NBEA: variants seen among roughly 807,000 people sequenced by gnomAD.
NBEA encodes the protein neurobeachin.
In NBEA, 44 loss-of-function variants were observed where a neutral mutation model predicts 343.4. The ratio of observed to expected loss-of-function variants is 0.13; its 90% CI spans 0.10 to 0.16. NBEA has a LOEUF of 0.16. Among genes scored for constraint, NBEA ranks in the 10% least tolerant of loss-of-function variants. The pLI is 1.00. For missense variants in NBEA, 2,555 were observed against 3,631.3 expected (o/e 0.70, Z 7.62); for synonymous variants, 1,175 against 1,238.7 (o/e 0.95, Z 1.08).
chr13:35,044,815 CATATAT>C (rs71196573), intron 2 of NBEA, 126 bp from the exon 3 acceptor site: 78 of 368,266 alleles, frequency 2.1e-4, no homozygotes, highest in African/African-American at 1.4e-3. Flanking sequence ...GTATTAGATA[CATATAT>C]ATATATATAG....
At chr13:35,209,839 T>C (rs9600324) in intron 32 of NBEA, among the ~76,000 whole-genome samples, 10,013 of 152,126 alleles carry the variant, frequency 0.066, 334 homozygotes, top group African/African-American at 0.083. Flanking sequence ...ATTAAGAATA[T>C]TTATATTGGC....
At chr13:35,014,281 T>G (rs1433637522) in intron 1 of NBEA, among the ~76,000 whole-genome samples, 1 of 152,218 alleles carries the variant, frequency 6.6e-6, no homozygotes, top group Non-Finnish European at 1.5e-5. Flanking sequence ...TTACCTCATC[T>G]GGTAATTTTT....
intron 17 of NBEA, among the ~76,000 whole-genome samples, chr13:35,127,828 A>G (rs2152682484): frequency 6.6e-6 from 1 of 152,258 alleles, no homozygotes. Context: ...AATGTATGTA[A>G]TGGAACTTTG....
At chr13:34,969,344 T>C (rs2152497744) in intron 1 of NBEA, among the ~76,000 whole-genome samples, 1 of 152,158 alleles carries the variant, frequency 6.6e-6, no homozygotes, top group Admixed American at 6.6e-5. Context: ...ATTTTTTGGT[T>C]TCCGTTTTTT....
chr13:35,509,121 T>C (rs2077175947), intron 41 of NBEA, among the ~76,000 whole-genome samples: 1 of 152,228 alleles, frequency 6.6e-6, no homozygotes, highest in African/African-American at 2.4e-5. Context: ...GACCTGTGTC[T>C]GGCGTATGCC....
At chr13:35,369,639 G>A (rs1594378946) in intron 38 of NBEA, among the ~76,000 whole-genome samples, 1 of 151,750 alleles carries the variant, frequency 6.6e-6, no homozygotes, top group Admixed American at 6.6e-5. Context: ...ACCTTCTTGA[G>A]TTTTTACTCA....
rs370437799 is a variant in NBEA at position 35,378,297 on chromosome 13, A to G, written c.6179+25974A>G. Among the ~76,000 whole-genome samples, 4 of 152,258 alleles carry G rather than the reference A, an allele frequency of 2.6e-5. No homozygotes were observed. The South Asian group carries it at 8.3e-4, about 32-fold the overall frequency. On this transcript the variant is annotated intron_variant, in intron 38 of 58. Coordinates refer to ENST00000379939, the MANE Select transcript of NBEA (RefSeq NM_001385012.1). ...GTCTGTGCCTCACAAAAATAAGTCT[A>G]TTTTGCTAGTAGATTCTAAGAGACA...
chr13:35,143,891 C>CAAAAAA (rs1299776068), intron 18 of NBEA, among the ~76,000 whole-genome samples: 1 of 87,124 alleles, frequency 1.1e-5, no homozygotes, highest in Non-Finnish European at 2.3e-5. Flanking sequence ...CTGTCCCCTT[C>CAAAAAA]AAAAAAAAAA....
intron 1 of NBEA, among the ~76,000 whole-genome samples, chr13:35,000,257 G>A (rs1280563758): frequency 6.6e-6 from 1 of 152,122 alleles, no homozygotes; most frequent in African/African-American, 2.4e-5. Context: ...GATACAGGAT[G>A]TAATGATGCA....
At chr13:35,290,211 A>C (rs545294671) in intron 34 of NBEA, among the ~76,000 whole-genome samples, 178 bp from the exon 35 acceptor site, 1 of 151,918 alleles carries the variant, frequency 6.6e-6, no homozygotes, top group African/African-American at 2.4e-5. Flanking sequence ...AGTGTATCTA[A>C]ATAGTTTTAA....
intron 40 of NBEA, among the ~76,000 whole-genome samples, chr13:35,464,160 A>ATG (rs2047051046): frequency 6.6e-6 from 1 of 152,224 alleles, no homozygotes; most frequent in South Asian, 2.1e-4. Context: ...TCTCGGGAGA[A>ATG]TGTGTGACCC....
At chr13:35,212,005 AC>A (rs1219588616) in intron 33 of NBEA, among the ~76,000 whole-genome samples, 1 of 148,726 alleles carries the variant, frequency 6.7e-6, no homozygotes, top group Non-Finnish European at 1.5e-5. Context: ...ACGTGTACAC[AC>A]ACACACACAC....
At chr13:35,000,593 A>AGCAC (rs1555271795) in intron 1 of NBEA, among the ~76,000 whole-genome samples, 6 of 147,758 alleles carry the variant, frequency 4.1e-5, no homozygotes, top group Admixed American at 3.4e-4. Context: ...TAATATATAT[A>AGCAC]ACACACACAC....
chr13:35,597,223 T>C (rs1417849386), intron 47 of NBEA, among the ~76,000 whole-genome samples: 4 of 152,204 alleles, frequency 2.6e-5, no homozygotes, highest in Admixed American at 6.5e-5. Flanking sequence ...TATAATACTA[T>C]TAACTATACC....
chr13:35,445,813 T>TATATATATATAC (rs2045996556), intron 39 of NBEA, among the ~76,000 whole-genome samples: 1 of 104,808 alleles, frequency 9.5e-6, no homozygotes, highest in African/African-American at 3.9e-5. Flanking sequence ...TATATATATA[T>TATATATATATAC]ATATGTATAT....
intron 1 of NBEA, among the ~76,000 whole-genome samples, chr13:35,010,653 G>T (rs1308185617): frequency 3.5e-5 from 5 of 144,432 alleles, no homozygotes; most frequent in Admixed American, 1.4e-4. Flanking sequence ...GGAATCTAAG[G>T]CAGAAGGATA....
At chr13:35,475,388 G>A in intron 41 of NBEA, 1 of 1,613,810 alleles carries the variant, frequency 6.2e-7, no homozygotes, top group Non-Finnish European at 8.5e-7. Context: ...AGGATGGAGA[G>A]GCACTTCTTT....
intron 1 of NBEA, among the ~76,000 whole-genome samples, chr13:34,953,976 T>G (rs2059419458): frequency 6.6e-6 from 1 of 152,226 alleles, no homozygotes; most frequent in Admixed American, 6.5e-5. Flanking sequence ...CCTGATGATC[T>G]GAGGTGGAAC....
In NBEA at chr13:35,192,279, C is replaced by T. The variant is rs2072258912; in HGVS notation, c.4928-3585C>T. On this transcript the variant is annotated intron_variant, in intron 30 of 58. Transcript: ENST00000379939. ...GAGGTATTCTGGAAACACGAGTTAT[C>T]TAAGTTGAAGTTTATGGTATCAACT... 6.6e-5 allele frequency among the ~76,000 whole-genome samples: 10 copies of T among 152,080 alleles called. No homozygotes were observed. The South Asian group carries it at 2.1e-3, about 32-fold the overall frequency.
Sources: allele counts gnomAD v4.1 joint callset (sites outside exome capture counted in the v4.1 genomes callset), GRCh38; gene constraint gnomAD v4.1.1; transcripts MANE v1.5; gene names NCBI Gene and HGNC (gene_info 2026-07-23, HGNC 2026-07-21).